TAFA5: variants seen among roughly 807,000 people sequenced by gnomAD.
TAFA5 encodes the protein chemokine-like protein TAFA-5.
TAFA5 carries 6 observed loss-of-function variants against 15.3 expected under a neutral mutation model. The ratio of observed to expected loss-of-function variants is 0.39; its 90% confidence interval spans 0.21 to 0.77. The LOEUF (loss-of-function observed/expected upper bound fraction) is 0.77. Among genes scored for constraint, TAFA5 ranks in the 30% least tolerant of loss-of-function variants. The probability of loss-of-function intolerance (pLI) is 0.41; values close to 1 mark genes in which losing one functional copy is unlikely to be tolerated. For synonymous variants in TAFA5, 103 were observed against 80.7 expected (o/e 1.28, Z -1.48); for missense variants, 161 against 193.1 (o/e 0.83, Z 0.98).
intron 1 of TAFA5, among the ~76,000 whole-genome samples, chr22:48,504,615 G>T (rs1427188802): frequency 6.6e-6 from 1 of 152,206 alleles, no homozygotes; most frequent in Non-Finnish European, 1.5e-5. Flanking sequence ...GACTCCTGGG[G>T]GTGTGCTGAG....
intron 1 of TAFA5, among the ~76,000 whole-genome samples, chr22:48,584,056 C>G (rs1463000367): frequency 1.4e-5 from 2 of 147,172 alleles, no homozygotes; most frequent in African/African-American, 2.5e-5. Context: ...ACCACATACA[C>G]CACACATACC....
chr22:48,723,269 C>T (rs1021421968), intron 3 of TAFA5, among the ~76,000 whole-genome samples: 3 of 152,188 alleles, frequency 2.0e-5, no homozygotes, highest in African/African-American at 7.2e-5. Context: ...CGACGTGTGG[C>T]ATGGGCGCTT....
chr22:48,509,212 G>A (rs4823794), intron 1 of TAFA5, among the ~76,000 whole-genome samples: 39,118 of 152,134 alleles, frequency 0.26, 6,229 homozygotes, highest in Middle Eastern at 0.39. Context: ...GGCGCCTGCT[G>A]ATGGACACTT....
intron 1 of TAFA5, among the ~76,000 whole-genome samples, chr22:48,507,728 G>A (rs543886069): frequency 5.9e-5 from 9 of 152,272 alleles, no homozygotes; most frequent in African/African-American, 9.6e-5. Flanking sequence ...AACACTCCAG[G>A]TGGTCGACCG....
intron 1 of TAFA5, among the ~76,000 whole-genome samples, chr22:48,630,080 G>C (rs535189910): frequency 6.6e-6 from 1 of 152,222 alleles, no homozygotes; most frequent in African/African-American, 2.4e-5. Context: ...GGGTCGGGGC[G>C]GGGGACGAGC....
intron 1 of TAFA5, among the ~76,000 whole-genome samples, chr22:48,506,352 G>A (rs1920997824): frequency 6.6e-6 from 1 of 152,252 alleles, no homozygotes; most frequent in Non-Finnish European, 1.5e-5. Context: ...GCTCCATGGG[G>A]GAACATGGGC....
chr22:48,545,042 C>T (rs560667761), intron 1 of TAFA5: 10 of 371,430 alleles, frequency 2.7e-5, no homozygotes, highest in East Asian at 7.4e-5. Flanking sequence ...AGTCAACAGG[C>T]GGAAGGACTC....
At chr22:48,723,323 T>A (rs887863202) in intron 3 of TAFA5, among the ~76,000 whole-genome samples, 3 of 152,216 alleles carry the variant, frequency 2.0e-5, no homozygotes, top group Non-Finnish European at 4.4e-5. Flanking sequence ...GATTTGTGTC[T>A]GCATCCAAAT....
At chr22:48,670,265 G>A (rs1006206655) in intron 2 of TAFA5, among the ~76,000 whole-genome samples, 1 of 152,368 alleles carries the variant, frequency 6.6e-6, no homozygotes, top group South Asian at 2.1e-4. Context: ...AATAATTGCA[G>A]TATTGGATAC....
chr22:48,686,016 G>T (rs925613168), intron 2 of TAFA5, among the ~76,000 whole-genome samples: 3 of 151,452 alleles, frequency 2.0e-5, no homozygotes, highest in Non-Finnish European at 4.4e-5. Flanking sequence ...CCCCACGTGT[G>T]CCCCGGGAGT....
intron 1 of TAFA5, among the ~76,000 whole-genome samples, chr22:48,542,224 T>C (rs1922418304): frequency 1.4e-5 from 2 of 141,954 alleles, no homozygotes; most frequent in Admixed American, 7.0e-5. Flanking sequence ...ATGTGTGGTG[T>C]GTGTGCTGTG....
At chr22:48,720,382 A>G (rs1929533866) in intron 3 of TAFA5, among the ~76,000 whole-genome samples, 1 of 152,148 alleles carries the variant, frequency 6.6e-6, no homozygotes, top group Non-Finnish European at 1.5e-5. Flanking sequence ...GTGACCCAAC[A>G]TCTCAGGGAC....
At position 48,606,018 on chromosome 22, in the gene TAFA5, G is replaced by T. The variant is rs529150070; in HGVS notation, c.113-40579G>T. On this transcript the variant is annotated intron_variant, in intron 1 of 3. Coordinates refer to ENST00000402357, the MANE Select transcript of TAFA5 (RefSeq NM_001082967.3). ...GGAGGCAGCAGTGGGAGATGACTCAGCCTGGTGAGCCTGATGAGTCAGCAC... is the reference window on the plus strand; with the variant it reads ...GGAGGCAGCAGTGGGAGATGACTCATCCTGGTGAGCCTGATGAGTCAGCAC... Among the ~76,000 whole-genome samples the T allele has an allele frequency of 5.9e-5, 9 of 152,190 alleles. No individual in the cohort carries two copies. The South Asian group carries it at 1.7e-3, about 28-fold the overall frequency.
chr22:48,536,236 C>T (rs902329004), intron 1 of TAFA5, among the ~76,000 whole-genome samples: 19 of 152,266 alleles, frequency 1.2e-4, no homozygotes, highest in Non-Finnish European at 1.8e-4. Flanking sequence ...GGAAACCTAC[C>T]GTCCCCGGCT....
intron 3 of TAFA5, among the ~76,000 whole-genome samples, chr22:48,743,051 G>A (rs1157407404): frequency 2.6e-5 from 4 of 152,186 alleles, no homozygotes; most frequent in African/African-American, 7.2e-5. Context: ...AGCTGTGTGA[G>A]TCTCCGGGAG....
chr22:48,664,408 G>A (rs879838108), intron 2 of TAFA5, among the ~76,000 whole-genome samples: 3 of 152,130 alleles, frequency 2.0e-5, no homozygotes, highest in Admixed American at 6.6e-5. Flanking sequence ...GTGAAACGAC[G>A]TCTGTACAAT....
chr22:48,597,341 A>G (rs1433844581), intron 1 of TAFA5, among the ~76,000 whole-genome samples: 1 of 145,476 alleles, frequency 6.9e-6, no homozygotes, highest in Non-Finnish European at 1.5e-5. Context: ...GTGTCCTGGG[A>G]GCCACCTGCC....
intron 2 of TAFA5, among the ~76,000 whole-genome samples, chr22:48,651,042 C>T (rs1927037432): frequency 6.6e-6 from 1 of 152,260 alleles, no homozygotes; most frequent in African/African-American, 2.4e-5. Context: ...CCTGGCTGTA[C>T]CTGGCCAGCC....
chr22:48,542,096 ATG>A (rs1569018674), intron 1 of TAFA5, among the ~76,000 whole-genome samples: 1 of 135,584 alleles, frequency 7.4e-6, no homozygotes, highest in East Asian at 2.3e-4. Context: ...TGCATGTGTG[ATG>A]TGTGTGTGGT....
Sources: allele counts gnomAD v4.1 joint callset (sites outside exome capture counted in the v4.1 genomes callset), GRCh38; gene constraint gnomAD v4.1.1; transcripts MANE v1.5; gene names NCBI Gene and HGNC (gene_info 2026-07-23, HGNC 2026-07-21).